The following SLCO1B3 variants were observed in gnomAD, a reference collection of about 807,000 sequenced individuals.
SLCO1B3 encodes the protein solute carrier organic anion transporter family member 1B3.
SLCO1B3 carries 72 observed loss-of-function variants against 71.8 expected under a neutral mutation model. That is an observed-to-expected ratio of 1.00 (90% CI 0.83 to 1.22). SLCO1B3 has a LOEUF of 1.22. Ranked by LOEUF, SLCO1B3 falls within the 50% of genes most tolerant of loss-of-function variation. The probability of loss-of-function intolerance (pLI) is 0.00; values close to 1 mark genes in which losing one functional copy is unlikely to be tolerated. For missense variants in SLCO1B3, 911 were observed against 819.7 expected, an observed-to-expected ratio of 1.11 and a Z score of -1.36; for synonymous variants, 298 against 278.4, an observed-to-expected ratio of 1.07 and a Z score of -0.70.
At chr12:20,904,099 G>T (rs1312594262) in intron 15 of SLCO1B3, among the ~76,000 whole-genome samples, 2 of 152,018 alleles carry the variant, frequency 1.3e-5, no homozygotes, top group Middle Eastern at 3.4e-3. Context: ...AATTAGCCAG[G>T]CATTGTAGTG....
intron 1 of SLCO1B3, among the ~76,000 whole-genome samples, chr12:20,812,086 T>G (rs34150947): frequency 0.14 from 21,679 of 151,928 alleles, 1,694 homozygotes; most frequent in African/African-American, 0.2. Flanking sequence ...TTTGTATTTT[T>G]GGCAGAAATG....
intron 13 of SLCO1B3, among the ~76,000 whole-genome samples, chr12:20,893,462 G>A (rs1565604903): frequency 6.6e-6 from 1 of 152,112 alleles, no homozygotes; most frequent in Non-Finnish European, 1.5e-5. Flanking sequence ...TTCTTCTTGG[G>A]ACCTAGAGGT....
At chr12:20,860,147 G>A (rs569693854) in intron 5 of SLCO1B3, among the ~76,000 whole-genome samples, 4 of 151,992 alleles carry the variant, frequency 2.6e-5, no homozygotes, top group African/African-American at 9.6e-5. Context: ...AGTAGAGACG[G>A]GGTTTCACTG....
chr12:20,820,422 G>A (rs1864273870), intron 3 of SLCO1B3, among the ~76,000 whole-genome samples: 1 of 152,164 alleles, frequency 6.6e-6, no homozygotes, highest in Non-Finnish European at 1.5e-5. Flanking sequence ...ATCCTGGGCT[G>A]CGGGCATTAC....
At chr12:20,914,661 A>G (rs1866457081) in intron 15 of SLCO1B3, among the ~76,000 whole-genome samples, 1 of 152,036 alleles carries the variant, frequency 6.6e-6, no homozygotes, top group Non-Finnish European at 1.5e-5. Flanking sequence ...TTTTCCTTCT[A>G]ACAAACTTCT....
At chr12:20,812,126 C>T (rs528766098) in intron 1 of SLCO1B3, among the ~76,000 whole-genome samples, 1 of 152,082 alleles carries the variant, frequency 6.6e-6, no homozygotes, top group East Asian at 1.9e-4. Context: ...AGGCTGGTCT[C>T]GAACTCCCAA....
At chr12:20,908,376 C>T (rs1430122215) in intron 15 of SLCO1B3, among the ~76,000 whole-genome samples, 1 of 152,176 alleles carries the variant, frequency 6.6e-6, no homozygotes, top group African/African-American at 2.4e-5. Flanking sequence ...ACCAGATTGA[C>T]ACATCTTTAT....
intron 15 of SLCO1B3, among the ~76,000 whole-genome samples, 185 bp from the exon 16 acceptor site, chr12:20,915,818 TG>T (rs1866481283): frequency 6.6e-6 from 1 of 152,164 alleles, no homozygotes; most frequent in Non-Finnish European, 1.5e-5. Context: ...TAGCTTCATA[TG>T]TTTTTTTAAT....
intron 3 of SLCO1B3, among the ~76,000 whole-genome samples, chr12:20,826,670 C>A (rs1864429468): frequency 8.3e-6 from 1 of 120,922 alleles, no homozygotes; most frequent in Non-Finnish European, 1.8e-5. Flanking sequence ...CTTAAATAAC[C>A]AGTCATTTTA....
rs368447661 is a variant in SLCO1B3 at position 20,909,225 on chromosome 12, G to A, written c.1866-6779G>A. Reference sequence around the variant, plus strand: ...CTGTCGCCCAGGCTGGAGTGCAGTGGCATGATCTCGGCTCACTGCAAGCTA... The same window carrying A: ...CTGTCGCCCAGGCTGGAGTGCAGTGACATGATCTCGGCTCACTGCAAGCTA... On this transcript the variant is annotated intron_variant, in intron 15 of 15. Coordinates refer to ENST00000381545, the MANE Select transcript of SLCO1B3 (RefSeq NM_019844.4). Among the ~76,000 whole-genome samples, 108 of 148,718 alleles carry A rather than the reference G, an allele frequency of 7.3e-4. 2 individuals are homozygous for A. The South Asian group carries it at 0.022, about 31-fold the overall frequency.
chr12:20,904,112 T>G (rs561837936), intron 15 of SLCO1B3, among the ~76,000 whole-genome samples: 7 of 151,774 alleles, frequency 4.6e-5, no homozygotes, highest in African/African-American at 1.5e-4. Context: ...TTGTAGTGGG[T>G]GCCTGTAGTC....
At chr12:20,879,391 C>A (rs1484391543) in intron 10 of SLCO1B3, 45 bp from the exon 11 acceptor site, 4 of 1,348,474 alleles carry the variant, frequency 3.0e-6, no homozygotes, top group Non-Finnish European at 4.2e-6. Context: ...ATCAGAAAAA[C>A]CATATTTGTA....
At chr12:20,910,695 A>G (rs998407823) in intron 15 of SLCO1B3, among the ~76,000 whole-genome samples, 2 of 152,110 alleles carry the variant, frequency 1.3e-5, no homozygotes, top group Non-Finnish European at 2.9e-5. Flanking sequence ...TTTATACCCA[A>G]TGTTTCATTT....
chr12:20,915,830 A>T (rs1286279301), intron 15 of SLCO1B3, among the ~76,000 whole-genome samples, 174 bp from the exon 16 acceptor site: 1 of 152,134 alleles, frequency 6.6e-6, no homozygotes, highest in South Asian at 2.1e-4. Flanking sequence ...TTTTTTTAAT[A>T]ATAGAAAAAT....
intron 3 of SLCO1B3, among the ~76,000 whole-genome samples, chr12:20,854,384 T>G (rs1231766332): frequency 2.0e-5 from 3 of 152,184 alleles, no homozygotes; most frequent in African/African-American, 7.2e-5. Flanking sequence ...GCTTTAGTTT[T>G]AGGTGCAGAT....
Position 20,862,295 on chromosome 12 carries a change from TTGTAA to T in SLCO1B3, c.482-115_482-111del. 2.5e-6 allele frequency: 3 copies of T among 1,194,092 alleles called. No individual in the cohort carries two copies. In the South Asian group the frequency reaches 4.6e-5, roughly 18 times the overall value. 74.0% of individuals were successfully genotyped at this position (1,194,092 alleles called of 1,614,324 possible). On this transcript the variant is annotated intron_variant, in intron 6 of 15. Coordinates refer to ENST00000381545, the MANE Select transcript of SLCO1B3 (RefSeq NM_019844.4). ...ACTTTGTAAAGTGAATATGAATCAC[TTGTAA>T]TTAGGAAACAAACAAACAAAAAATG...
chr12:20,845,195 GAA>G, intron 3 of SLCO1B3: 1 of 361,014 alleles, frequency 2.8e-6, no homozygotes, highest in Non-Finnish European at 5.6e-6. Flanking sequence ...CCACATGGGA[GAA>G]GCAGATCTAC....
chr12:20,825,747 C>T (rs980754194), intron 3 of SLCO1B3, among the ~76,000 whole-genome samples: 11 of 138,466 alleles, frequency 7.9e-5, no homozygotes, highest in Middle Eastern at 4.3e-3. Flanking sequence ...TGCAGTGAGT[C>T]GAGATTGTGG....
intron 12 of SLCO1B3, among the ~76,000 whole-genome samples, chr12:20,881,390 G>T (rs1865691113): frequency 6.6e-6 from 1 of 152,182 alleles, no homozygotes; most frequent in South Asian, 2.1e-4. Context: ...GAAGTTAGGG[G>T]AAAGTTCAGA....
Sources: gnomAD v4.1 joint callset for allele counts (sites outside exome capture counted in the v4.1 genomes callset) on GRCh38, gnomAD v4.1.1 for gene constraint, MANE v1.5 for transcripts, NCBI Gene and HGNC (gene_info 2026-07-23, HGNC 2026-07-21) for gene names.